The following MYO1D variants were observed in gnomAD, a reference collection of about 807,000 sequenced individuals.
MYO1D encodes the protein unconventional myosin-Id.
In MYO1D, 83 loss-of-function variants were observed where a neutral mutation model predicts 122.0. That is an observed-to-expected ratio of 0.68 (90% confidence interval 0.57 to 0.82). The LOEUF is 0.82. MYO1D is among the 40% of genes least tolerant of loss of function. The pLI, the probability that MYO1D is intolerant of heterozygous loss-of-function variation, is 0.00. For synonymous variants in MYO1D, 464 were observed against 446.9 expected (o/e 1.04, Z -0.48); for missense variants, 1,157 against 1,269.5 (o/e 0.91, Z 1.35).
intron 19 of MYO1D, among the ~76,000 whole-genome samples, chr17:32,652,136 G>A (rs192685328): frequency 6.6e-6 from 1 of 152,200 alleles, no homozygotes; most frequent in East Asian, 1.9e-4. Flanking sequence ...TATTTGTAGG[G>A]TAAATATGGG....
chr17:32,865,827 TG>T lies in MYO1D; in HGVS notation c.95+10950del, dbSNP rs551588558. On this transcript the variant is annotated intron_variant, in intron 1 of 21. Transcript: ENST00000318217. ...AATGAGGCTAGGACAATGAGGAGCC[TG>T]GAAGGTGGACAAAATATCAAGAGGA... 4.0e-4 allele frequency among the ~76,000 whole-genome samples: 61 copies of T among 152,346 alleles called. No individual in the cohort carries two copies. The East Asian group carries it at 6.7e-3, about 17-fold the overall frequency.
At chr17:32,662,941 A>C (rs779377990) in intron 16 of MYO1D, among the ~76,000 whole-genome samples, 9 of 138,238 alleles carry the variant, frequency 6.5e-5, no homozygotes, top group East Asian at 2.1e-4. Context: ...TTTTTGAGAC[A>C]GGGTCTCACT....
In MYO1D at chr17:32,620,092, T is replaced by C. The variant is rs568999333; in HGVS notation, c.2710-14851A>G. 1.1e-4 allele frequency among the ~76,000 whole-genome samples: 17 copies of C among 152,308 alleles called. No individual in the cohort carries two copies. In the South Asian group the frequency reaches 3.5e-3, roughly 32 times the overall value. On this transcript the variant is annotated intron_variant, in intron 20 of 21. Coordinates refer to ENST00000318217, the MANE Select transcript of MYO1D (RefSeq NM_015194.3). Reference sequence around the variant, plus strand: ...TCCAGGCCCCTCAACATGGCTTCCATTGACACCGCTCTTGTGGGGAGTATG... The same window carrying C: ...TCCAGGCCCCTCAACATGGCTTCCACTGACACCGCTCTTGTGGGGAGTATG...
chr17:32,690,488 T>TC (rs2089082330), intron 16 of MYO1D, among the ~76,000 whole-genome samples: 1 of 152,186 alleles, frequency 6.6e-6, no homozygotes, highest in South Asian at 2.1e-4. Flanking sequence ...TGTTTATCAT[T>TC]TTTATGTGTC....
At chr17:32,621,092 TC>T in intron 20 of MYO1D, among the ~76,000 whole-genome samples, 1 of 152,290 alleles carries the variant, frequency 6.6e-6, no homozygotes, top group South Asian at 2.1e-4. Flanking sequence ...ATTTTATTTT[TC>T]CCTTGGGGAC....
intron 20 of MYO1D, among the ~76,000 whole-genome samples, chr17:32,629,364 T>C (rs2087972080): frequency 1.3e-5 from 2 of 152,054 alleles, no homozygotes; most frequent in South Asian, 4.2e-4. Flanking sequence ...TGAACCTTTG[T>C]GGGCAACTTA....
intron 16 of MYO1D, among the ~76,000 whole-genome samples, chr17:32,681,855 A>G (rs2088922565): frequency 7.2e-6 from 1 of 138,036 alleles, no homozygotes; most frequent in African/African-American, 3.0e-5. Flanking sequence ...GTGGGGTGTT[A>G]AAGTCTCCCA....
intron 14 of MYO1D, among the ~76,000 whole-genome samples, chr17:32,735,595 A>AT (rs34702592): frequency 0.43 from 65,763 of 151,956 alleles, 14,827 homozygotes; most frequent in East Asian, 0.73. Flanking sequence ...TCTCACTAAC[A>AT]TTTTTGTCTG....
chr17:32,823,076 T>G (rs2090689016), intron 1 of MYO1D, among the ~76,000 whole-genome samples: 1 of 152,214 alleles, frequency 6.6e-6, no homozygotes, highest in African/African-American at 2.4e-5. Context: ...TTTCCCACAT[T>G]CAGGAAGGGG....
intron 21 of MYO1D, among the ~76,000 whole-genome samples, chr17:32,585,648 T>C (rs1256434923): frequency 2.0e-5 from 3 of 151,840 alleles, no homozygotes; most frequent in Non-Finnish European, 4.4e-5. Flanking sequence ...GGGAATCTTT[T>C]GAACGTGGGA....
chr17:32,838,911 C>T (rs925959743), intron 1 of MYO1D, among the ~76,000 whole-genome samples: 4 of 152,148 alleles, frequency 2.6e-5, no homozygotes, highest in Non-Finnish European at 4.4e-5. Flanking sequence ...CCCTCCTATA[C>T]ACCCAACTCC....
intron 1 of MYO1D, among the ~76,000 whole-genome samples, chr17:32,857,564 G>A (rs1307013026): frequency 2.9e-5 from 4 of 140,230 alleles, no homozygotes; most frequent in Non-Finnish European, 4.5e-5. Flanking sequence ...CAGCCTGGAC[G>A]ACAGAGCAAG....
At chr17:32,499,778 G>A (rs1329769440) in intron 21 of MYO1D, among the ~76,000 whole-genome samples, 1 of 151,872 alleles carries the variant, frequency 6.6e-6, no homozygotes, top group Non-Finnish European at 1.5e-5. Flanking sequence ...GGGCAACATG[G>A]TGAATTACTG....
At chr17:32,676,724 A>C (rs555675118) in intron 16 of MYO1D, among the ~76,000 whole-genome samples, 2 of 152,154 alleles carry the variant, frequency 1.3e-5, no homozygotes, top group Non-Finnish European at 2.9e-5. Context: ...CTGTGAAATA[A>C]ATCTGTTACT....
chr17:32,860,038 G>T (rs553778027), intron 1 of MYO1D, among the ~76,000 whole-genome samples: 1 of 152,078 alleles, frequency 6.6e-6, no homozygotes, highest in South Asian at 2.1e-4. Flanking sequence ...TGACATGTAA[G>T]GAAGTCTTCT....
intron 21 of MYO1D, among the ~76,000 whole-genome samples, chr17:32,543,361 G>C (rs961389751): frequency 6.6e-6 from 1 of 151,394 alleles, no homozygotes; most frequent in Admixed American, 6.6e-5. Context: ...CAGATCACGA[G>C]GTTAGGAGAT....
At chr17:32,541,959 CCT>C (rs965804418) in intron 21 of MYO1D, among the ~76,000 whole-genome samples, 1 of 152,122 alleles carries the variant, frequency 6.6e-6, no homozygotes, top group Non-Finnish European at 1.5e-5. Flanking sequence ...CCGGCTAATT[CCT>C]CTCTTCTTCC....
intron 19 of MYO1D, among the ~76,000 whole-genome samples, chr17:32,652,238 C>T (rs919105112): frequency 4.6e-5 from 7 of 152,186 alleles, no homozygotes; most frequent in African/African-American, 1.4e-4. Context: ...TCTTATACTC[C>T]GACCAAAAAT....
At chr17:32,587,535 C>G (rs558440178) in intron 21 of MYO1D, among the ~76,000 whole-genome samples, 1 of 149,950 alleles carries the variant, frequency 6.7e-6, no homozygotes, top group Admixed American at 6.6e-5. Context: ...AAAAAAGTCA[C>G]TTGCCAAATG....
Sources: gnomAD v4.1 joint callset for allele counts (sites outside exome capture counted in the v4.1 genomes callset) on GRCh38, gnomAD v4.1.1 for gene constraint, MANE v1.5 for transcripts, NCBI Gene and HGNC (gene_info 2026-07-23, HGNC 2026-07-21) for gene names.